Variants in B3GLCT observed in about 807,000 individuals in gnomAD.
B3GLCT encodes the protein beta-1,3-glucosyltransferase.
B3GLCT carries 65 observed loss-of-function variants against 63.4 expected under a neutral mutation model. That is an observed-to-expected ratio of 1.03 (90% CI 0.84 to 1.26). B3GLCT has a LOEUF of 1.26. Among genes scored for constraint, B3GLCT ranks in the 50% most tolerant of loss-of-function variants. The pLI is 0.00. For synonymous variants in B3GLCT, 233 were observed against 219.2 expected (o/e 1.06, Z -0.55); for missense variants, 577 against 604.8 (o/e 0.95, Z 0.48).
intron 9 of B3GLCT, 123 bp from the exon 10 acceptor site, chr13:31,276,579 C>A: frequency 2.8e-6 from 2 of 718,870 alleles, no homozygotes; most frequent in East Asian, 2.6e-5. Context: ...AACTTTATGC[C>A]GGAAATATGT....
At chr13:31,322,603 C>T (rs1875384959) in intron 13 of B3GLCT, among the ~76,000 whole-genome samples, 1 of 152,078 alleles carries the variant, frequency 6.6e-6, no homozygotes, top group Non-Finnish European at 1.5e-5. Flanking sequence ...GGCTCATATT[C>T]ACTTAGTTTA....
At chr13:31,328,551 G>C (rs184115901) in intron 14 of B3GLCT, among the ~76,000 whole-genome samples, 145 of 152,010 alleles carry the variant, frequency 9.5e-4, no homozygotes, top group African/African-American at 3.3e-3. Flanking sequence ...AAATTAGCCA[G>C]GCATGGTAGT....
Position 31,329,561 on chromosome 13 carries a change from A to C in B3GLCT, c.1390A>C (p.Lys464Gln), listed in dbSNP as rs759163560. 1.9e-6 allele frequency: 3 copies of C among 1,614,102 alleles called. No individual in the cohort carries two copies. In the African/African-American group the frequency reaches 4.0e-5, roughly 22 times the overall value. Residue 464 changes from lysine to glutamine, a missense_variant, in exon 15 of 15, where the codon AAA becomes CAA. Transcript: ENST00000343307. ...LSHQVPISFH[K>Q]HWNIDPVKVY... ...TCATCAAGTTCCCATATCGTTCCAC[A>C]AACACTGGAACATCGATCCAGTGAA...
At position 31,262,526 on chromosome 13, in the gene B3GLCT, C is replaced by T. The variant is rs7331884; in HGVS notation, c.596+1444C>T. 6.6e-3 allele frequency among the ~76,000 whole-genome samples: 1,001 copies of T among 152,318 alleles called. 12 individuals are homozygous for T. The highest frequency in any genetic ancestry group is 0.023 in the African/African-American group (968 of 41,564). ...GTCTACTGGTCTGCTTAATTCTGTG[C>T]TCTGCAGGGGAGAGGGGAATATGTT... On this transcript the variant is annotated intron_variant, in intron 7 of 14. Transcript: ENST00000343307.
At chr13:31,289,304 CA>C (rs1381649490) in intron 12 of B3GLCT, among the ~76,000 whole-genome samples, 3 of 151,966 alleles carry the variant, frequency 2.0e-5, no homozygotes. Flanking sequence ...GAAGAGAGAT[CA>C]AAAACTTTAG....
At chr13:31,226,253 AG>A (rs1172003688) in intron 3 of B3GLCT, among the ~76,000 whole-genome samples, 2 of 152,194 alleles carry the variant, frequency 1.3e-5, no homozygotes, top group African/African-American at 4.8e-5. Context: ...CAGACACTCC[AG>A]GGCTGCGACT....
At chr13:31,258,952 A>G (rs1359029035) in intron 6 of B3GLCT, among the ~76,000 whole-genome samples, 1 of 152,114 alleles carries the variant, frequency 6.6e-6, no homozygotes, top group Admixed American at 6.6e-5. Flanking sequence ...TCATATTGCC[A>G]TAGCTCTTTT....
chr13:31,233,809 A>G (rs1272307301), intron 4 of B3GLCT, among the ~76,000 whole-genome samples: 1 of 152,124 alleles, frequency 6.6e-6, no homozygotes, highest in African/African-American at 2.4e-5. Context: ...TGTCTCTGCC[A>G]AAGTCAGGAT....
At position 31,203,382 on chromosome 13, in the gene B3GLCT, G is replaced by A. The variant is rs540586372; in HGVS notation, c.70+3228G>A. Among the ~76,000 whole-genome samples the A allele has an allele frequency of 2.4e-4, 37 of 152,318 alleles. 1 individual carries two copies. The highest frequency in any genetic ancestry group is 8.7e-4 in the African/African-American group (36 of 41,566). On this transcript the variant is annotated intron_variant, in intron 1 of 14. Coordinates refer to ENST00000343307, the MANE Select transcript of B3GLCT (RefSeq NM_194318.4). ...TCCCCAGGTCATGGACTTGACCCAGGGGAGTTTGCCAGTAGCCAACAGCTA... is the reference window on the plus strand; with the variant it reads ...TCCCCAGGTCATGGACTTGACCCAGAGGAGTTTGCCAGTAGCCAACAGCTA...
At chr13:31,282,463 C>T (rs1354113087) in intron 10 of B3GLCT, among the ~76,000 whole-genome samples, 2 of 151,946 alleles carry the variant, frequency 1.3e-5, no homozygotes, top group African/African-American at 4.8e-5. Context: ...CACGGTGAAA[C>T]CCTGTCTCTA....
At chr13:31,315,056 G>A (rs1290364104) in intron 12 of B3GLCT, among the ~76,000 whole-genome samples, 1 of 152,202 alleles carries the variant, frequency 6.6e-6, no homozygotes. Flanking sequence ...CAGCCACAAG[G>A]TGGAACTGTA....
intron 4 of B3GLCT, among the ~76,000 whole-genome samples, chr13:31,244,406 C>A (rs989653215): frequency 2.6e-5 from 4 of 152,126 alleles, no homozygotes; most frequent in Non-Finnish European, 5.9e-5. Flanking sequence ...GCAAGAGAAT[C>A]ACTTGAACCT....
rs146372353 is a variant in B3GLCT, at chr13:31,273,417, A to G, written c.661-1092A>G. ...CCTCAGTTATTTTTCAAATGTGCTT[A>G]CTTGTTTTGTGTAATCTTTTCAAAA... On this transcript the variant is annotated intron_variant, in intron 8 of 14. Coordinates refer to ENST00000343307, the MANE Select transcript of B3GLCT (RefSeq NM_194318.4). Among the ~76,000 whole-genome samples the G allele has an allele frequency of 2.4e-3, 367 of 152,308 alleles. 3 individuals are homozygous for G. Among genetic ancestry groups the G allele is most frequent in the African/African-American group, 8.7e-3 (361 of 41,578 alleles).
chr13:31,266,810 G>T (rs1046910230), intron 7 of B3GLCT, among the ~76,000 whole-genome samples: 4 of 152,088 alleles, frequency 2.6e-5, no homozygotes, highest in African/African-American at 9.7e-5. Context: ...TTGTTCTGTT[G>T]CCCAGGATGG....
intron 7 of B3GLCT, among the ~76,000 whole-genome samples, chr13:31,266,142 T>C (rs368725408): frequency 4.0e-5 from 6 of 151,798 alleles, no homozygotes; most frequent in South Asian, 2.1e-4. Context: ...GGACTGCAGG[T>C]GCCCGCCACC....
intron 2 of B3GLCT, among the ~76,000 whole-genome samples, chr13:31,220,187 CT>C (rs1478180929): frequency 6.6e-6 from 1 of 152,148 alleles, no homozygotes; most frequent in African/African-American, 2.4e-5. Context: ...CTTCTCTTCC[CT>C]TTAAAAGATT....
chr13:31,259,596 C>T (rs897416576), intron 6 of B3GLCT, among the ~76,000 whole-genome samples: 4 of 151,520 alleles, frequency 2.6e-5, no homozygotes, highest in Admixed American at 6.6e-5. Context: ...AACTTGCATG[C>T]GGCATCTTGG....
chr13:31,281,755 C>A lies in B3GLCT; in HGVS notation c.851-2893C>A, dbSNP rs74475329. Among the ~76,000 whole-genome samples, 486 of 152,316 alleles carry A rather than the reference C, an allele frequency of 3.2e-3. 2 individuals carry two copies. Among genetic ancestry groups the A allele is most frequent in the African/African-American group, 0.011 (458 of 41,574 alleles). On this transcript the variant is annotated intron_variant, in intron 10 of 14. Transcript: ENST00000343307. ...GACTTGCACACTGAGACAAAAGGGC[C>A]ATCTGCAAGCTGAAAATAGTGGATT...
At chr13:31,200,188 G>T (rs1281779786) in intron 1 of B3GLCT, 34 bp downstream of exon 1, 2 of 1,235,130 alleles carry the variant, frequency 1.6e-6, no homozygotes, top group South Asian at 2.1e-5. Context: ...GCAAGGGCGA[G>T]GCGTGGGGTT....
Sources: allele counts gnomAD v4.1 joint callset (sites outside exome capture counted in the v4.1 genomes callset), GRCh38; gene constraint gnomAD v4.1.1; transcripts MANE v1.5; gene names NCBI Gene and HGNC (gene_info 2026-07-23, HGNC 2026-07-21).